ORC4: variants seen among roughly 807,000 people sequenced by gnomAD.
The protein encoded by ORC4 is origin recognition complex, subunit 4 homolog.
Under a neutral mutation model 63.9 loss-of-function variants are expected in ORC4, and 55 were observed. The observed-to-expected ratio is 0.86, with a 90% CI of 0.69 to 1.08. The LOEUF (loss-of-function observed/expected upper bound fraction) is 1.08. Among genes scored for constraint, ORC4 ranks in the 50% least tolerant of loss-of-function variants. The probability of loss-of-function intolerance (pLI) is 0.00; values close to 1 mark genes in which losing one functional copy is unlikely to be tolerated. For missense variants in ORC4, 511 were observed against 504.4 expected (o/e 1.01, Z -0.13); for synonymous variants, 150 against 168.5 (o/e 0.89, Z 0.85).
intron 1 of ORC4, among the ~76,000 whole-genome samples, chr2:147,988,530 G>A (rs1179348160): frequency 1.3e-5 from 2 of 151,844 alleles, no homozygotes; most frequent in African/African-American, 4.8e-5. Context: ...GCTAATTTTT[G>A]CATTTTTAGT....
At chr2:147,968,575 C>T (rs1030422951) in intron 4 of ORC4, among the ~76,000 whole-genome samples, 1 of 151,946 alleles carries the variant, frequency 6.6e-6, no homozygotes, top group Non-Finnish European at 1.5e-5. Context: ...CAAATAGAAA[C>T]CACAGTGAGG....
Position 147,972,821 on chromosome 2 carries a change from C to CT in ORC4, c.142dup (p.Ser48LysfsTer2). On this transcript the variant is annotated frameshift_variant, in exon 4 of 14. Transcript: ENST00000392857. LOFTEE classifies it high-confidence loss of function. Reference sequence around the variant, plus strand: ...GAGAGCAGTTCTTTTCAGCAGCTCACTTAAGTGTCTAAAATGATATAAATA... The same window carrying CT: ...GAGAGCAGTTCTTTTCAGCAGCTCACTTTAAGTGTCTAAAATGATATAAATA... 6.2e-7 allele frequency: 1 copy of CT among 1,602,794 alleles called. No individual in the cohort carries two copies. The highest frequency in any genetic ancestry group is 2.2e-5 in the East Asian group (1 of 44,750).
At chr2:147,973,165 T>G (rs905969415) in intron 3 of ORC4, among the ~76,000 whole-genome samples, 6 of 152,142 alleles carry the variant, frequency 3.9e-5, no homozygotes, top group Non-Finnish European at 8.8e-5. Context: ...ACTCCATAGC[T>G]GGCTGCTGGG....
At chr2:147,936,892 G>C (rs952628157) in intron 13 of ORC4, 1 of 151,838 alleles carries the variant, frequency 6.6e-6, no homozygotes, top group Admixed American at 6.6e-5. Context: ...AGTGGTGCAC[G>C]CCTGTAATCC....
chr2:148,021,527 G>C, upstream of ORC4: 1 of 565,686 alleles, frequency 1.8e-6, no homozygotes, highest in Non-Finnish European at 3.4e-6. Context: ...CTGCTGCTTG[G>C]CCCTGGCTGG....
intron 1 of ORC4, among the ~76,000 whole-genome samples, chr2:148,011,322 T>C (rs1692954271): frequency 6.6e-6 from 1 of 152,144 alleles, no homozygotes; most frequent in Non-Finnish European, 1.5e-5. Context: ...GTTCAACATA[T>C]GTAAATCAAT....
rs1687814189 is a variant in ORC4 at position 147,932,315 on chromosome 2, C to G, written c.*3195G>C. 6.6e-6 allele frequency: 1 copy of G among 152,028 alleles called. No individual in the cohort carries two copies. Among genetic ancestry groups the G allele is most frequent in the Non-Finnish European group, 1.5e-5 (1 of 68,032 alleles). The allele number at this position is 152,028 out of a possible 1,614,324, so 9.4% of individuals were successfully genotyped here. On this transcript the variant is annotated 3_prime_UTR_variant, in exon 14 of 14. Coordinates refer to ENST00000392857, the MANE Select transcript of ORC4 (RefSeq NM_181741.4). ...TCAAGGAAATAAAAGAGGATACAAA[C>G]AAATGGAAGAACATTCCATGCTCTT... is the stretch of plus-strand genomic sequence containing the variant.
At chr2:148,006,686 G>A (rs1692657227) in intron 1 of ORC4, among the ~76,000 whole-genome samples, 1 of 152,216 alleles carries the variant, frequency 6.6e-6, no homozygotes, top group Non-Finnish European at 1.5e-5. Flanking sequence ...GAAGGGAATG[G>A]CTGCCATGAT....
intron 8 of ORC4, among the ~76,000 whole-genome samples, chr2:147,950,943 A>ATT (rs35962777): frequency 5.2e-4 from 76 of 145,216 alleles, no homozygotes; most frequent in East Asian, 1.2e-3. Flanking sequence ...CCAAAGGAAG[A>ATT]TTTTTTTTTT....
At chr2:147,983,993 G>A (rs1422591695) in intron 1 of ORC4, among the ~76,000 whole-genome samples, 1 of 152,148 alleles carries the variant, frequency 6.6e-6, no homozygotes, top group African/African-American at 2.4e-5. Context: ...CTGGCAGAAC[G>A]GTTCTGAATA....
rs756896530 is a variant in ORC4, at chr2:147,948,242, A to G, written c.589-18T>C. ...AAAATATCCTTAAAAACAAACAGAAATCTCTATAAGGAAGATGAATGTTTT... is the reference window on the plus strand; with the variant it reads ...AAAATATCCTTAAAAACAAACAGAAGTCTCTATAAGGAAGATGAATGTTTT... On this transcript the variant is annotated intron_variant, in intron 8 of 13. Transcript: ENST00000392857. The G allele has an allele frequency of 6.4e-7, 1 of 1,555,812 alleles. No individual in the cohort carries two copies. The highest frequency in any genetic ancestry group is 8.8e-7 in the Non-Finnish European group (1 of 1,130,154).
chr2:147,953,761 C>CT, intron 7 of ORC4, among the ~76,000 whole-genome samples: 1 of 152,124 alleles, frequency 6.6e-6, no homozygotes, highest in Non-Finnish European at 1.5e-5. Flanking sequence ...AAAAGAATCC[C>CT]TTTTACCTTA....
chr2:148,021,498 A>ACTG (rs1362951810), upstream of ORC4: 10 of 570,496 alleles, frequency 1.8e-5, no homozygotes, highest in East Asian at 4.6e-5. Flanking sequence ...TGCTGCTGCT[A>ACTG]CTGCTGCTGC....
intron 9 of ORC4, among the ~76,000 whole-genome samples, chr2:147,944,691 T>C (rs1688557252): frequency 1.0e-5 from 1 of 96,416 alleles, no homozygotes; most frequent in Admixed American, 1.1e-4. Flanking sequence ...GGAATAAGGA[T>C]TCTTTTAAAA....
rs766925264 is a variant in ORC4 at position 147,939,159 on chromosome 2, C to T, written c.939G>A (p.Ser313=). 1.6e-5 allele frequency: 25 copies of T among 1,607,978 alleles called. No individual in the cohort carries two copies. The highest frequency in any genetic ancestry group is 5.5e-5 in the South Asian group (5 of 90,970). The change falls in exon 11 of 14, where the codon TCG becomes TCA. Residue 313 remains serine, a synonymous_variant. Transcript: ENST00000392857. The part of the protein sequence containing the change: ...MEASQLCSMD[S]KANIVHGLSV... ...TCTCACCATGTACAATATTTGCTTT[C>T]GAGTCCATGCTACACAGTTGGCTTG...
intron 1 of ORC4, among the ~76,000 whole-genome samples, chr2:148,008,659 C>T (rs988885699): frequency 7.9e-5 from 12 of 152,150 alleles, no homozygotes; most frequent in Non-Finnish European, 1.0e-4. Context: ...CCCTGACTCC[C>T]GCCAAAGCAT....
At chr2:148,010,127 A>C (rs1692863222) in intron 1 of ORC4, among the ~76,000 whole-genome samples, 1 of 152,218 alleles carries the variant, frequency 6.6e-6, no homozygotes, top group South Asian at 2.1e-4. Flanking sequence ...AAGGAAATTA[A>C]AAAATGTCTT....
chr2:148,003,947 C>T (rs1692464458), intron 1 of ORC4, among the ~76,000 whole-genome samples: 1 of 152,186 alleles, frequency 6.6e-6, no homozygotes, highest in South Asian at 2.1e-4. Flanking sequence ...AAATAACAAG[C>T]ATTCCTATAT....
At chr2:147,949,631 T>A (rs886245028) in intron 8 of ORC4, among the ~76,000 whole-genome samples, 2 of 152,140 alleles carry the variant, frequency 1.3e-5, no homozygotes, top group East Asian at 3.8e-4. Context: ...ACAGCTAATA[T>A]AACAATTATA....
Sources: gnomAD v4.1 joint callset for allele counts (sites outside exome capture counted in the v4.1 genomes callset) on GRCh38, gnomAD v4.1.1 for gene constraint, MANE v1.5 for transcripts, NCBI Gene and HGNC (gene_info 2026-07-23, HGNC 2026-07-21) for gene names.